Variants in AGTR1 observed in about 807,000 individuals in gnomAD.
AGTR1 encodes type-1 angiotensin II receptor.
Under a neutral mutation model 19.4 loss-of-function variants are expected in AGTR1, and 16 were observed. The observed-to-expected ratio is 0.82, with a 90% CI of 0.56 to 1.25. The LOEUF (loss-of-function observed/expected upper bound fraction) is 1.25, where lower values mean the gene tolerates loss of function less well. Among genes scored for constraint, AGTR1 ranks in the 50% most tolerant of loss-of-function variants. AGTR1 has a pLI of 0.00. For synonymous variants in AGTR1, 153 were observed against 154.9 expected, an observed-to-expected ratio of 0.99 and a Z score of 0.09; for missense variants, 373 against 431.9, an observed-to-expected ratio of 0.86 and a Z score of 1.21.
At chr3:148,733,314 C>T (rs1714394724) in intron 2 of AGTR1, among the ~76,000 whole-genome samples, 1 of 152,136 alleles carries the variant, frequency 6.6e-6, no homozygotes, top group Non-Finnish European at 1.5e-5. Context: ...ATGTTAAAAG[C>T]TTTAATCTAA....
Position 148,741,376 on chromosome 3 carries a change from C to T in AGTR1, c.341C>T (p.Ala114Val). 1 of 1,604,236 alleles carries T rather than the reference C, an allele frequency of 6.2e-7. No homozygotes were observed. ...GCCAGCGTCAGTTTCAACCTGTACG[C>T]TAGTGTGTTTCTACTCACGTGTCTC... ...ASASVSFNLY[A>V]SVFLLTCLSI... The change falls in exon 3 of 3, where the codon GCT becomes GTT. Residue 114 changes from alanine (A) to valine (V), a missense_variant. By Grantham distance (64) the Ala-to-Val change is moderately conservative (BLOSUM62 0). Transcript: ENST00000349243.
intron 1 of AGTR1, among the ~76,000 whole-genome samples, chr3:148,706,564 C>T (rs950671951): frequency 2.6e-5 from 4 of 151,906 alleles, no homozygotes; most frequent in Admixed American, 6.6e-5. Flanking sequence ...ACAAAGTTAT[C>T]ATCTAAACAA....
chr3:148,717,953 A>T (rs1203434252), intron 2 of AGTR1, among the ~76,000 whole-genome samples: 2 of 152,196 alleles, frequency 1.3e-5, no homozygotes, highest in Non-Finnish European at 2.9e-5. Context: ...AACAATTTTT[A>T]AAAGGATTGG....
intron 2 of AGTR1, among the ~76,000 whole-genome samples, chr3:148,723,436 T>C (rs1282214776): frequency 6.6e-6 from 1 of 152,222 alleles, no homozygotes; most frequent in African/African-American, 2.4e-5. Flanking sequence ...TCCCTTTCAC[T>C]ACTGATGACC....
chr3:148,705,025 C>T (rs551164988), intron 1 of AGTR1, among the ~76,000 whole-genome samples: 1 of 152,104 alleles, frequency 6.6e-6, no homozygotes, highest in Non-Finnish European at 1.5e-5. Flanking sequence ...AGGAGAAATA[C>T]CCAAAAGATA....
intron 2 of AGTR1, among the ~76,000 whole-genome samples, chr3:148,732,710 A>G (rs1372932385): frequency 6.6e-6 from 1 of 151,432 alleles, no homozygotes; most frequent in African/African-American, 2.4e-5. Flanking sequence ...GAAGGATTAT[A>G]AAAGTTCATG....
At chr3:148,732,730 ATTTTTTTTT>A (rs778034622) in intron 2 of AGTR1, among the ~76,000 whole-genome samples, 1 of 109,950 alleles carries the variant, frequency 9.1e-6, no homozygotes, top group African/African-American at 4.0e-5. Flanking sequence ...GCTTCGGAAA[ATTTTTTTTT>A]TTTTTTTTTT....
intron 2 of AGTR1, among the ~76,000 whole-genome samples, chr3:148,735,990 C>G (rs187514564): frequency 3.3e-5 from 5 of 152,118 alleles, no homozygotes; most frequent in African/African-American, 1.2e-4. Flanking sequence ...TTAGTTCTCT[C>G]TTTATTATCA....
intron 2 of AGTR1, among the ~76,000 whole-genome samples, chr3:148,722,158 G>A (rs765706179): frequency 4.6e-5 from 7 of 152,100 alleles, no homozygotes; most frequent in South Asian, 2.1e-4. Flanking sequence ...CCAGGCATGC[G>A]AAGAAGCTGG....
chr3:148,705,274 T>G (rs934460379), intron 1 of AGTR1, among the ~76,000 whole-genome samples: 23 of 152,166 alleles, frequency 1.5e-4, no homozygotes, highest in African/African-American at 4.8e-4. Context: ...TCTAGTAAAT[T>G]TCATATACTT....
At chr3:148,726,125 A>C (rs1713917281) in intron 2 of AGTR1, among the ~76,000 whole-genome samples, 1 of 152,190 alleles carries the variant, frequency 6.6e-6, no homozygotes, top group African/African-American at 2.4e-5. Context: ...TGATTTGTCC[A>C]AGATCTCAAT....
At chr3:148,721,751 G>C (rs748400696) in intron 2 of AGTR1, among the ~76,000 whole-genome samples, 60 of 152,188 alleles carry the variant, frequency 3.9e-4, no homozygotes, top group Non-Finnish European at 7.9e-4. Context: ...GCTGCACAGA[G>C]AACCCAGAGA....
chr3:148,700,536 G>A (rs116012378), intron 1 of AGTR1, among the ~76,000 whole-genome samples: 102 of 152,238 alleles, frequency 6.7e-4, no homozygotes, highest in Admixed American at 3.2e-3. Flanking sequence ...CCCTCTAGCC[G>A]CATGCTTATT....
In AGTR1 at chr3:148,720,269, C is replaced by A. The variant is rs116465295; in HGVS notation, c.-48+12242C>A. Among the ~76,000 whole-genome samples the A allele has an allele frequency of 1.3e-3, 190 of 151,374 alleles. 1 individual carries two copies. Among genetic ancestry groups the A allele is most frequent in the African/African-American group, 4.4e-3 (181 of 41,306 alleles). ...AAAATCAAGCAGAAACACACACACACCACACACACACACAGAGGCTCAAAG... is the reference window on the plus strand; with the variant it reads ...AAAATCAAGCAGAAACACACACACAACACACACACACACAGAGGCTCAAAG... On this transcript the variant is annotated intron_variant, in intron 2 of 2. Transcript: ENST00000349243.
At chr3:148,713,818 GA>G (rs1713138045) in intron 2 of AGTR1, among the ~76,000 whole-genome samples, 1 of 152,134 alleles carries the variant, frequency 6.6e-6, no homozygotes. Flanking sequence ...TTTCAAATCT[GA>G]ATGGTTTTAC....
At chr3:148,699,956 C>T (rs895762305) in intron 1 of AGTR1, among the ~76,000 whole-genome samples, 32 of 152,122 alleles carry the variant, frequency 2.1e-4, no homozygotes, top group African/African-American at 7.7e-4. Flanking sequence ...CCACTGATGC[C>T]AATGGAAGAC....
At chr3:148,723,613 C>T (rs1168890925) in intron 2 of AGTR1, among the ~76,000 whole-genome samples, 3 of 152,012 alleles carry the variant, frequency 2.0e-5, no homozygotes, top group Non-Finnish European at 4.4e-5. Flanking sequence ...GATAGAAGAA[C>T]GAAAAGGGAA....
rs1712609281 is a variant in AGTR1, at chr3:148,705,357, T to C, written c.-131-2587T>C. Among the ~76,000 whole-genome samples, 3 of 152,222 alleles carry C rather than the reference T, an allele frequency of 2.0e-5. No individual in the cohort carries two copies. The South Asian group carries it at 6.2e-4, about 32-fold the overall frequency. The stretch of plus-strand genomic sequence containing the variant: ...CAACACATATACTTTACTTTTTGAC[T>C]CAAATTCTTCTTGCCATCAATTCAA... On this transcript the variant is annotated intron_variant, in intron 1 of 2. Transcript: ENST00000349243.
intron 2 of AGTR1, among the ~76,000 whole-genome samples, chr3:148,708,251 A>G (rs1328283851): frequency 1.3e-5 from 2 of 152,192 alleles, no homozygotes; most frequent in Admixed American, 6.5e-5. Flanking sequence ...TTACTAAGCT[A>G]TTTCCATTCA....
Sources: gnomAD v4.1 joint callset for allele counts (sites outside exome capture counted in the v4.1 genomes callset) on GRCh38, gnomAD v4.1.1 for gene constraint, MANE v1.5 for transcripts, NCBI Gene and HGNC (gene_info 2026-07-23, HGNC 2026-07-21) for gene names.